SLC1A2: variants seen among roughly 807,000 people sequenced by gnomAD.
SLC1A2 encodes solute carrier family 1 member 2, also known as excitatory amino acid transporter 2.
SLC1A2 carries 15 observed loss-of-function variants against 48.8 expected under a neutral mutation model. The observed-to-expected ratio is 0.31, with a 90% CI of 0.21 to 0.47. SLC1A2 has a LOEUF of 0.47. SLC1A2 is among the 20% of genes least tolerant of loss of function. SLC1A2 has a pLI of 0.99. For synonymous variants in SLC1A2, 279 were observed against 272.6 expected, an observed-to-expected ratio of 1.02 and a Z score of -0.23; for missense variants, 502 against 730.5, an observed-to-expected ratio of 0.69 and a Z score of 3.61.
intron 1 of SLC1A2, among the ~76,000 whole-genome samples, chr11:35,337,759 C>T (rs1411194474): frequency 6.6e-6 from 1 of 152,148 alleles, no homozygotes; most frequent in Non-Finnish European, 1.5e-5. Flanking sequence ...GCCTAAGACT[C>T]ATCTATAAAA....
chr11:35,386,758 C>A (rs1421275669), intron 1 of SLC1A2, among the ~76,000 whole-genome samples: 1 of 152,174 alleles, frequency 6.6e-6, no homozygotes, highest in Non-Finnish European at 1.5e-5. Context: ...ATCCTCACAA[C>A]CACCCCTAAA....
At chr11:35,412,973 G>A (rs1426568960) in intron 1 of SLC1A2, among the ~76,000 whole-genome samples, 1 of 151,746 alleles carries the variant, frequency 6.6e-6, no homozygotes, top group Non-Finnish European at 1.5e-5. Context: ...AACAAGAAGT[G>A]CTTTGGGGGG....
chr11:35,378,974 A>T (rs1338306144), intron 1 of SLC1A2, among the ~76,000 whole-genome samples: 1 of 152,214 alleles, frequency 6.6e-6, no homozygotes, highest in Non-Finnish European at 1.5e-5. Context: ...CATGCCTGTA[A>T]TCCCAGCACT....
chr11:35,323,907 C>A (rs1565244175), intron 1 of SLC1A2, among the ~76,000 whole-genome samples: 1 of 152,192 alleles, frequency 6.6e-6, no homozygotes, highest in Admixed American at 6.5e-5. Context: ...TTCACCCATT[C>A]TCAGGTCTAG....
chr11:35,394,047 C>T (rs970511083), intron 1 of SLC1A2, among the ~76,000 whole-genome samples: 1 of 152,164 alleles, frequency 6.6e-6, no homozygotes, highest in Non-Finnish European at 1.5e-5. Context: ...TCCTTCCTCC[C>T]TTGGCAATTT....
At chr11:35,346,331 T>C (rs1223207961) in intron 1 of SLC1A2, among the ~76,000 whole-genome samples, 1 of 152,216 alleles carries the variant, frequency 6.6e-6, no homozygotes, top group East Asian at 1.9e-4. Context: ...TTAGTCTCCA[T>C]GGGCTACTCC....
chr11:35,415,083 A>G (rs1409133264), intron 1 of SLC1A2, among the ~76,000 whole-genome samples: 1 of 152,232 alleles, frequency 6.6e-6, no homozygotes, highest in Non-Finnish European at 1.5e-5. Flanking sequence ...TTTATGGCAC[A>G]CTGACCCAGA....
At chr11:35,355,749 G>T (rs940498695) in intron 1 of SLC1A2, among the ~76,000 whole-genome samples, 2 of 152,190 alleles carry the variant, frequency 1.3e-5, no homozygotes, top group African/African-American at 4.8e-5. Context: ...GCTGGGCATA[G>T]TGGCATGTGC....
Position 35,393,907 on chromosome 11 carries a change from C to T in SLC1A2, c.17+25043G>A, listed in dbSNP as rs73445036. Among the ~76,000 whole-genome samples, 6 of 152,300 alleles carry T rather than the reference C, an allele frequency of 3.9e-5. 1 individual carries two copies. Among genetic ancestry groups the T allele is most frequent in the African/African-American group, 1.2e-4 (5 of 41,568 alleles). ...CTTCTTTCACCCTTTTCCTCTTCTT[C>T]CCTGTGGCTTTCTGCTGGTGAGAAT... On this transcript the variant is annotated intron_variant, in intron 1 of 10. Coordinates refer to ENST00000278379, the MANE Select transcript of SLC1A2 (RefSeq NM_004171.4).
intron 1 of SLC1A2, among the ~76,000 whole-genome samples, chr11:35,346,105 C>T (rs934791706): frequency 5.9e-5 from 9 of 151,924 alleles, no homozygotes; most frequent in African/African-American, 1.2e-4. Context: ...ATGTGCAGAA[C>T]GTGTAGGTCT....
At position 35,418,936 on chromosome 11, in the gene SLC1A2, A is replaced by G. The variant is rs1359080308; in HGVS notation, c.17+14T>C. On this transcript the variant is annotated intron_variant, in intron 1 of 10. Transcript: ENST00000278379. ...ACCCCGCTTTCCCGCGGGTACAGAT[A>G]AAAATCCCCTCACCCTTCCGTAGAT... is the stretch of plus-strand genomic sequence containing the variant. 6.4e-7 allele frequency: 1 copy of G among 1,560,624 alleles called. No individual in the cohort carries two copies. Among genetic ancestry groups the G allele is most frequent in the Non-Finnish European group, 8.7e-7 (1 of 1,150,874 alleles).
chr11:35,296,055 C>A (rs1414971870), intron 6 of SLC1A2, among the ~76,000 whole-genome samples: 5 of 152,168 alleles, frequency 3.3e-5, no homozygotes, highest in African/African-American at 1.2e-4. Flanking sequence ...ACCAGTATTT[C>A]AAGAAACAAA....
At chr11:35,390,051 G>A (rs759892374) in intron 1 of SLC1A2, among the ~76,000 whole-genome samples, 8 of 152,176 alleles carry the variant, frequency 5.3e-5, no homozygotes, top group Non-Finnish European at 1.0e-4. Context: ...TGGTCACTAT[G>A]ACATTTAGCA....
At position 35,399,096 on chromosome 11, in the gene SLC1A2, T is replaced by C. The variant is rs115633202; in HGVS notation, c.17+19854A>G. ...ATCAGCCTGCCAGTTACTCACAAAATAAAAATGTTTGGTTTGGAATCTGTT... is the reference window on the plus strand; with the variant it reads ...ATCAGCCTGCCAGTTACTCACAAAACAAAAATGTTTGGTTTGGAATCTGTT... On this transcript the variant is annotated intron_variant, in intron 1 of 10. Transcript: ENST00000278379. 1.8e-3 allele frequency among the ~76,000 whole-genome samples: 277 copies of C among 152,280 alleles called. 1 individual carries two copies. Among genetic ancestry groups the C allele is most frequent in the African/African-American group, 6.5e-3 (269 of 41,562 alleles).
At chr11:35,355,378 T>A (rs1441937091) in intron 1 of SLC1A2, among the ~76,000 whole-genome samples, 1 of 152,212 alleles carries the variant, frequency 6.6e-6, no homozygotes, top group Non-Finnish European at 1.5e-5. Flanking sequence ...TTCACTCCAA[T>A]AATCTTTGAT....
At chr11:35,398,052 T>G (rs1855021584) in intron 1 of SLC1A2, among the ~76,000 whole-genome samples, 2 of 152,174 alleles carry the variant, frequency 1.3e-5, no homozygotes, top group Non-Finnish European at 2.9e-5. Context: ...AAACCTGGGT[T>G]TCTCAACATG....
At chr11:35,370,086 C>A (rs920654906) in intron 1 of SLC1A2, among the ~76,000 whole-genome samples, 1 of 152,198 alleles carries the variant, frequency 6.6e-6, no homozygotes, top group Non-Finnish European at 1.5e-5. Context: ...GCACAGTTGT[C>A]AGTAACAATA....
In SLC1A2 at chr11:35,260,689, C is replaced by T. The variant is rs1000495406; in HGVS notation, c.*205G>A. ...TAATAATACAAGTGAGAAAATTAGA[C>T]GGTTATAAAGCATTATTTGGCAAAG... is the stretch of plus-strand genomic sequence containing the variant. On this transcript the variant is annotated 3_prime_UTR_variant, in exon 11 of 11. Transcript: ENST00000278379. 2.4e-4 allele frequency: 129 copies of T among 535,362 alleles called. No individual in the cohort carries two copies. Among genetic ancestry groups the T allele is most frequent in the African/African-American group, 1.1e-3 (55 of 52,148 alleles). 33.2% of individuals were successfully genotyped at this position (535,362 alleles called of 1,614,324 possible). A position where few individuals can be genotyped will look rare whatever the true frequency, so the allele number is the denominator to read the frequency against.
intron 6 of SLC1A2, among the ~76,000 whole-genome samples, chr11:35,294,962 A>C (rs1851126482): frequency 6.6e-6 from 1 of 152,238 alleles, no homozygotes; most frequent in Admixed American, 6.5e-5. Context: ...GATGAGCATT[A>C]AGTAGAAGAA....
Sources: gnomAD v4.1 joint callset for allele counts (sites outside exome capture counted in the v4.1 genomes callset) on GRCh38, gnomAD v4.1.1 for gene constraint, MANE v1.5 for transcripts, NCBI Gene and HGNC (gene_info 2026-07-23, HGNC 2026-07-21) for gene names.